The following DLG2 variants were observed in gnomAD, a reference collection of about 807,000 sequenced individuals.
The protein encoded by DLG2 is discs large MAGUK scaffold protein 2.
In DLG2, 45 loss-of-function variants were observed where a neutral mutation model predicts 132.5. The ratio of observed to expected loss-of-function variants is 0.34; its 90% CI spans 0.27 to 0.44. The LOEUF (loss-of-function observed/expected upper bound fraction) is 0.44. Ranked by LOEUF, DLG2 falls within the 20% of genes least tolerant of loss-of-function variation. DLG2 has a pLI of 1.00. For missense variants in DLG2, 1,045 were observed against 1,196.9 expected (o/e 0.87, Z 1.87); for synonymous variants, 424 against 419.6 (o/e 1.01, Z -0.13).
At chr11:83,691,326 T>C (rs1354748819) in intron 18 of DLG2, among the ~76,000 whole-genome samples, 1 of 152,192 alleles carries the variant, frequency 6.6e-6, no homozygotes, top group Non-Finnish European at 1.5e-5. Context: ...CACTGTCTTC[T>C]CTGTACTCTC....
intron 6 of DLG2, among the ~76,000 whole-genome samples, chr11:84,665,032 C>T (rs932335106): frequency 6.6e-6 from 1 of 152,008 alleles, no homozygotes; most frequent in Admixed American, 6.6e-5. Flanking sequence ...TATGTGCTGC[C>T]ATGAGAATCT....
chr11:83,790,077 G>A, intron 17 of DLG2: 1 of 1,093,622 alleles, frequency 9.1e-7, no homozygotes, highest in Admixed American at 2.5e-5. Context: ...CACAGGTACT[G>A]CAACGAGTGT....
intron 17 of DLG2, among the ~76,000 whole-genome samples, chr11:83,809,531 A>G (rs1162537842): frequency 6.6e-6 from 1 of 152,018 alleles, no homozygotes; most frequent in Non-Finnish European, 1.5e-5. Context: ...TGAATGTTCA[A>G]CCCCCTTCTT....
At chr11:83,989,607 A>G (rs1371578351) in intron 11 of DLG2, among the ~76,000 whole-genome samples, 2 of 152,194 alleles carry the variant, frequency 1.3e-5, no homozygotes, top group African/African-American at 2.4e-5. Context: ...CTGATAAAAG[A>G]AAATGCACAT....
chr11:84,139,571 T>A (rs954572882), intron 9 of DLG2, among the ~76,000 whole-genome samples: 5 of 152,044 alleles, frequency 3.3e-5, no homozygotes, highest in African/African-American at 1.2e-4. Context: ...AAGCAGTCTA[T>A]TTTCTATTTT....
At chr11:85,496,253 G>A (rs777998451) in intron 3 of DLG2, among the ~76,000 whole-genome samples, 1 of 152,206 alleles carries the variant, frequency 6.6e-6, no homozygotes, top group Non-Finnish European at 1.5e-5. Flanking sequence ...ATCCCTTCCT[G>A]TGCCTGGCTC....
chr11:83,948,876 A>G (rs1416267433), intron 14 of DLG2, among the ~76,000 whole-genome samples: 1 of 152,214 alleles, frequency 6.6e-6, no homozygotes, highest in Non-Finnish European at 1.5e-5. Flanking sequence ...TGTCTAACAC[A>G]TTGTTATGCT....
rs537464138 is a variant in DLG2, at chr11:84,999,536, T to C, written c.357+112125A>G. On this transcript the variant is annotated intron_variant, in intron 6 of 27. Transcript: ENST00000376104. ...AAAATGAGCAATAGGCTCTTATTCC[T>C]ACCAAATGATAAGTGAAAATATGAA... 2.6e-4 allele frequency among the ~76,000 whole-genome samples: 39 copies of C among 152,298 alleles called. 1 individual carries two copies. Among genetic ancestry groups the C allele is most frequent in the Admixed American group, 2.3e-3 (35 of 15,282 alleles).
chr11:84,648,299 C>A (rs2099677320), intron 6 of DLG2, among the ~76,000 whole-genome samples: 1 of 152,128 alleles, frequency 6.6e-6, no homozygotes, highest in Non-Finnish European at 1.5e-5. Context: ...TTACCAAAGG[C>A]TGATTTTACC....
At chr11:85,208,872 G>T (rs768876174) in intron 4 of DLG2, among the ~76,000 whole-genome samples, 1 of 151,984 alleles carries the variant, frequency 6.6e-6, no homozygotes, top group Non-Finnish European at 1.5e-5. Flanking sequence ...AGGGCTCTCC[G>T]GGGAGAGGTG....
chr11:85,208,528 A>G (rs2082048919), intron 4 of DLG2, among the ~76,000 whole-genome samples: 1 of 152,112 alleles, frequency 6.6e-6, no homozygotes, highest in Admixed American at 6.6e-5. Flanking sequence ...TTTAGAACAC[A>G]GTTTTGCAAC....
chr11:84,102,587 T>A (rs1164206754), intron 9 of DLG2, among the ~76,000 whole-genome samples: 1 of 152,168 alleles, frequency 6.6e-6, no homozygotes, highest in Non-Finnish European at 1.5e-5. Flanking sequence ...GATGCACTAC[T>A]CTGTAAGGGA....
chr11:84,071,606 A>G (rs1056938382), intron 10 of DLG2, among the ~76,000 whole-genome samples: 8 of 152,060 alleles, frequency 5.3e-5, no homozygotes, highest in Non-Finnish European at 8.8e-5. Flanking sequence ...GATTCTGGGG[A>G]AAAAAGTTGT....
intron 6 of DLG2, among the ~76,000 whole-genome samples, chr11:85,107,896 A>G (rs894788339): frequency 1.4e-5 from 2 of 146,092 alleles, no homozygotes; most frequent in Non-Finnish European, 1.5e-5. Flanking sequence ...CCCAATCTGT[A>G]CATTATAGTT....
intron 7 of DLG2, among the ~76,000 whole-genome samples, chr11:84,480,222 T>C (rs951294934): frequency 6.6e-6 from 1 of 152,146 alleles, no homozygotes; most frequent in African/African-American, 2.4e-5. Flanking sequence ...TTAAGTTGTT[T>C]CCTTTACCCA....
intron 5 of DLG2, among the ~76,000 whole-genome samples, chr11:85,114,390 T>C (rs1222279321): frequency 2.0e-5 from 3 of 151,976 alleles, no homozygotes; most frequent in Admixed American, 6.6e-5. Context: ...AGGGAGAACC[T>C]AGCTCTCTAA....
intron 10 of DLG2, among the ~76,000 whole-genome samples, chr11:84,089,212 A>G (rs1313228207): frequency 6.6e-6 from 1 of 152,188 alleles, no homozygotes; most frequent in Non-Finnish European, 1.5e-5. Context: ...GGTCTTGGGA[A>G]TAAGTGTCAG....
intron 9 of DLG2, among the ~76,000 whole-genome samples, chr11:84,125,651 T>C (rs559434937): frequency 1.3e-5 from 2 of 152,240 alleles, no homozygotes; most frequent in East Asian, 3.9e-4. Flanking sequence ...AGAAACCCAG[T>C]GGTCAGGAAA....
In DLG2 at chr11:83,591,905, G is replaced by A. The variant is rs12284231; in HGVS notation, c.1940+41306C>T. Among the ~76,000 whole-genome samples the A allele has an allele frequency of 2.3e-3, 324 of 141,762 alleles. 3 individuals are homozygous for A. The highest frequency in any genetic ancestry group is 7.3e-3 in the African/African-American group (276 of 37,978). 93.0% of individuals were successfully genotyped at this position (141,762 alleles called of 152,430 possible). On this transcript the variant is annotated intron_variant, in intron 19 of 27. Transcript: ENST00000376104. ...CTCCCATTCACAATTGCTTCAAAGAGAATAAAATACCTAGGAATCCAACTT... is the reference window on the plus strand; with the variant it reads ...CTCCCATTCACAATTGCTTCAAAGAAAATAAAATACCTAGGAATCCAACTT...
Sources: allele counts gnomAD v4.1 joint callset (sites outside exome capture counted in the v4.1 genomes callset), GRCh38; gene constraint gnomAD v4.1.1; transcripts MANE v1.5; gene names NCBI Gene and HGNC (gene_info 2026-07-23, HGNC 2026-07-21).